Variants in TAFA1 observed in about 807,000 individuals in gnomAD.
The protein encoded by TAFA1 is TAFA chemokine like family member 1, also known as chemokine-like protein TAFA-1.
In TAFA1, 4 loss-of-function variants were observed where a neutral mutation model predicts 18.5. The observed-to-expected ratio is 0.22, with a 90% CI of 0.11 to 0.49. The LOEUF (loss-of-function observed/expected upper bound fraction) is 0.49. Ranked by LOEUF, TAFA1 falls within the 20% of genes least tolerant of loss-of-function variation. The pLI, the probability that TAFA1 is intolerant of heterozygous loss-of-function variation, is 0.98. For synonymous variants in TAFA1, 56 were observed against 55.2 expected (o/e 1.01, Z -0.06); for missense variants, 147 against 169.0 (o/e 0.87, Z 0.72).
rs114824461 is a variant in TAFA1 at position 68,140,559 on chromosome 3, C to T, written c.118+133815C>T. Among the ~76,000 whole-genome samples, 363 of 152,264 alleles carry T rather than the reference C, an allele frequency of 2.4e-3. 3 individuals carry two copies. The highest frequency in any genetic ancestry group is 8.2e-3 in the African/African-American group (342 of 41,556). ...TTTGAGTGCCTACCCTGCATGAGTCCTGGGCTGAACACTTTCCTGCCACTT... is the reference window on the plus strand; with the variant it reads ...TTTGAGTGCCTACCCTGCATGAGTCTTGGGCTGAACACTTTCCTGCCACTT... On this transcript the variant is annotated intron_variant, in intron 2 of 4. Coordinates refer to ENST00000478136, the MANE Select transcript of TAFA1 (RefSeq NM_213609.4).
At chr3:68,022,519 G>A (rs938171347) in intron 2 of TAFA1, among the ~76,000 whole-genome samples, 1 of 152,046 alleles carries the variant, frequency 6.6e-6, no homozygotes, top group Non-Finnish European at 1.5e-5. Context: ...CAAAGTTTCA[G>A]TGAAAAGTAG....
intron 3 of TAFA1, among the ~76,000 whole-genome samples, chr3:68,455,973 A>G (rs2071656698): frequency 2.0e-5 from 3 of 152,134 alleles, no homozygotes; most frequent in Admixed American, 1.3e-4. Context: ...AATTAAATAC[A>G]TGGTGTTTGG....
At chr3:68,011,591 A>G (rs1281168850) in intron 2 of TAFA1, among the ~76,000 whole-genome samples, 1 of 152,232 alleles carries the variant, frequency 6.6e-6, no homozygotes, top group East Asian at 1.9e-4. Flanking sequence ...GCAGTAGAAT[A>G]CCAGAGTACA....
intron 2 of TAFA1, among the ~76,000 whole-genome samples, chr3:68,412,615 G>C (rs1295982273): frequency 6.6e-6 from 1 of 152,128 alleles, no homozygotes; most frequent in Non-Finnish European, 1.5e-5. Flanking sequence ...CTATGAGTGA[G>C]AACATGCTGT....
At chr3:68,333,262 G>T (rs2068912200) in intron 2 of TAFA1, among the ~76,000 whole-genome samples, 1 of 152,154 alleles carries the variant, frequency 6.6e-6, no homozygotes, top group African/African-American at 2.4e-5. Flanking sequence ...ATGACCATCA[G>T]TAAACTTGAT....
chr3:68,045,906 G>T (rs1258985527), intron 2 of TAFA1, among the ~76,000 whole-genome samples: 1 of 152,190 alleles, frequency 6.6e-6, no homozygotes, highest in Non-Finnish European at 1.5e-5. Flanking sequence ...AACTGACTAT[G>T]AGCTGTAAAT....
chr3:68,253,129 G>A (rs2067228971), intron 2 of TAFA1, among the ~76,000 whole-genome samples: 1 of 152,068 alleles, frequency 6.6e-6, no homozygotes, highest in Non-Finnish European at 1.5e-5. Flanking sequence ...AATACAGTAG[G>A]TAATTATGAT....
In TAFA1 at chr3:68,540,532, A is replaced by C. The variant is rs376367749; in HGVS notation, c.384+1652A>C. On this transcript the variant is annotated intron_variant, in intron 4 of 4. Coordinates refer to ENST00000478136, the MANE Select transcript of TAFA1 (RefSeq NM_213609.4). Reference sequence around the variant, plus strand: ...CTCACAAATTGGTTTGTTTTAAGCTATTCTGAATTATGGCCAGTATGATTG... The same window carrying C: ...CTCACAAATTGGTTTGTTTTAAGCTCTTCTGAATTATGGCCAGTATGATTG... Among the ~76,000 whole-genome samples the C allele has an allele frequency of 5.9e-5, 9 of 152,178 alleles. No individual in the cohort carries two copies. The East Asian group carries it at 1.5e-3, about 26-fold the overall frequency.
chr3:68,482,661 C>G (rs2072260133), intron 3 of TAFA1, among the ~76,000 whole-genome samples: 1 of 152,220 alleles, frequency 6.6e-6, no homozygotes, highest in Admixed American at 6.5e-5. Context: ...TTCCTCTACT[C>G]TCTTCCTTTT....
chr3:68,466,608 T>C (rs2071889617), intron 3 of TAFA1, among the ~76,000 whole-genome samples: 2 of 152,174 alleles, frequency 1.3e-5, no homozygotes, highest in Admixed American at 6.6e-5. Flanking sequence ...CTCCCAGTTA[T>C]CCACACTCCC....
At chr3:68,303,684 C>T (rs947647922) in intron 2 of TAFA1, among the ~76,000 whole-genome samples, 22 of 152,050 alleles carry the variant, frequency 1.4e-4, no homozygotes, top group Non-Finnish European at 5.9e-5. Flanking sequence ...CTCCTGACCT[C>T]GTGATCCGCC....
intron 3 of TAFA1, among the ~76,000 whole-genome samples, chr3:68,444,150 C>T (rs2071434556): frequency 6.6e-6 from 1 of 152,134 alleles, no homozygotes; most frequent in South Asian, 2.1e-4. Context: ...CACCTTGGAG[C>T]TCCATAGCTC....
chr3:68,230,564 T>C (rs1231046189), intron 2 of TAFA1, among the ~76,000 whole-genome samples: 1 of 152,242 alleles, frequency 6.6e-6, no homozygotes, highest in Admixed American at 6.5e-5. Flanking sequence ...CTCTTGTGAA[T>C]AGTTCTGCAA....
At chr3:68,136,192 T>C (rs965895607) in intron 2 of TAFA1, among the ~76,000 whole-genome samples, 3 of 152,172 alleles carry the variant, frequency 2.0e-5, no homozygotes, top group Non-Finnish European at 4.4e-5. Flanking sequence ...AGACCTATAT[T>C]TCCTTCACAC....
intron 2 of TAFA1, among the ~76,000 whole-genome samples, chr3:68,350,689 A>C (rs578246871): frequency 6.2e-4 from 94 of 152,168 alleles, no homozygotes; most frequent in Non-Finnish European, 1.2e-3. Context: ...TCTTCAGGAC[A>C]GAGTCAATTA....
chr3:68,465,772 T>A (rs958903670), intron 3 of TAFA1, among the ~76,000 whole-genome samples: 1 of 152,178 alleles, frequency 6.6e-6, no homozygotes, highest in African/African-American at 2.4e-5. Flanking sequence ...ATTCTACTTA[T>A]ATCCATTTGC....
chr3:68,362,980 C>CTTTTTT (rs10681792), intron 2 of TAFA1, among the ~76,000 whole-genome samples: 2,061 of 74,930 alleles, frequency 0.028, 217 homozygotes, highest in African/African-American at 0.096. Flanking sequence ...GTCTTGCAGG[C>CTTTTTT]TTTTTTTTTT....
At chr3:68,489,045 A>G (rs1223383974) in intron 3 of TAFA1, among the ~76,000 whole-genome samples, 1 of 152,216 alleles carries the variant, frequency 6.6e-6, no homozygotes, top group Non-Finnish European at 1.5e-5. Context: ...CCTCATTTGG[A>G]ACATAAGAAA....
At chr3:68,184,372 G>C (rs185231249) in intron 2 of TAFA1, among the ~76,000 whole-genome samples, 7 of 152,216 alleles carry the variant, frequency 4.6e-5, no homozygotes, top group Admixed American at 4.6e-4. Flanking sequence ...TGGAGGCTTA[G>C]AAAATTATTA....
Sources: allele counts gnomAD v4.1 joint callset (sites outside exome capture counted in the v4.1 genomes callset), GRCh38; gene constraint gnomAD v4.1.1; transcripts MANE v1.5; gene names NCBI Gene and HGNC (gene_info 2026-07-23, HGNC 2026-07-21).